The following B3GALT1 variants were observed in gnomAD, a reference collection of about 807,000 sequenced individuals.
B3GALT1 encodes the protein beta-1,3-galactosyltransferase 1.
Under a neutral mutation model 23.2 loss-of-function variants are expected in B3GALT1, and 10 were observed. The ratio of observed to expected loss-of-function variants is 0.43; its 90% CI spans 0.27 to 0.73. The LOEUF is 0.73. Ranked by LOEUF, B3GALT1 falls within the 30% of genes least tolerant of loss-of-function variation. The pLI is 0.21. For synonymous variants in B3GALT1, 156 were observed against 141.5 expected (o/e 1.10, Z -0.73); for missense variants, 299 against 405.4 (o/e 0.74, Z 2.25).
At chr2:167,583,427 T>C (rs1362761339) in intron 2 of B3GALT1, among the ~76,000 whole-genome samples, 3 of 152,322 alleles carry the variant, frequency 2.0e-5, no homozygotes, top group African/African-American at 4.8e-5. Flanking sequence ...TCTCCCTCTC[T>C]CCCTTTTTTT....
intron 1 of B3GALT1, among the ~76,000 whole-genome samples, chr2:167,447,217 C>G (rs1392189861): frequency 1.3e-5 from 2 of 152,190 alleles, no homozygotes; most frequent in Admixed American, 1.3e-4. Flanking sequence ...GATCGTTCCT[C>G]TGGAAGCTTC....
intron 4 of B3GALT1, among the ~76,000 whole-genome samples, chr2:167,825,288 AAAAAAAAAAAACAG>A (rs1238598165): frequency 6.7e-6 from 1 of 149,614 alleles, no homozygotes; most frequent in Non-Finnish European, 1.5e-5. Context: ...CGTCTCAAAA[AAAAAAAAAAAACAG>A]AAAAAAGAAA....
At chr2:167,798,077 G>T (rs1482944699) in intron 3 of B3GALT1, among the ~76,000 whole-genome samples, 1 of 152,152 alleles carries the variant, frequency 6.6e-6, no homozygotes, top group Non-Finnish European at 1.5e-5. Flanking sequence ...TTTGTTGGTT[G>T]CATGAATGTC....
intron 2 of B3GALT1, among the ~76,000 whole-genome samples, chr2:167,564,646 T>G (rs7562513): frequency 6.6e-6 from 1 of 152,008 alleles, no homozygotes; most frequent in African/African-American, 2.4e-5. Context: ...GGATCACTCG[T>G]GGCTAGGAGC....
At chr2:167,571,447 TTGAGTATTCTG>T (rs1310109858) in intron 2 of B3GALT1, among the ~76,000 whole-genome samples, 1 of 151,842 alleles carries the variant, frequency 6.6e-6, no homozygotes, top group Non-Finnish European at 1.5e-5. Context: ...ATTATACTCC[TTGAGTATTCTG>T]TGTTTCTAAT....
At chr2:167,318,574 A>G (rs911595070) in intron 1 of B3GALT1, among the ~76,000 whole-genome samples, 1 of 152,236 alleles carries the variant, frequency 6.6e-6, no homozygotes, top group Middle Eastern at 3.4e-3. Flanking sequence ...TATTTTCTAT[A>G]TAAGGTTATA....
At position 167,512,536 on chromosome 2, in the gene B3GALT1, A is replaced by G. The variant is rs990976029; in HGVS notation, c.-410+22259A>G. Among the ~76,000 whole-genome samples the G allele has an allele frequency of 1.4e-3, 141 of 98,590 alleles. 3 individuals carry two copies. Among genetic ancestry groups the G allele is most frequent in the Non-Finnish European group, 1.9e-3 (105 of 54,574 alleles). 64.7% of individuals were successfully genotyped at this position (98,590 alleles called of 152,430 possible). On this transcript the variant is annotated intron_variant, in intron 2 of 4. Coordinates refer to ENST00000392690, the MANE Select transcript of B3GALT1 (RefSeq NM_020981.4). The stretch of plus-strand genomic sequence containing the variant: ...TATATACATATATATGTGTGTGTGT[A>G]TATATATATGTATATATATGTATAT...
intron 3 of B3GALT1, among the ~76,000 whole-genome samples, chr2:167,807,794 G>C (rs1688787202): frequency 6.6e-6 from 1 of 152,230 alleles, no homozygotes; most frequent in Non-Finnish European, 1.5e-5. Context: ...ATATTCTGTT[G>C]ATTTGGGGTA....
rs913707532 is a variant in B3GALT1 at position 167,714,874 on chromosome 2, G to A, written c.-352+67908G>A. 10 of 1,609,700 alleles carry A rather than the reference G, an allele frequency of 6.2e-6. No homozygotes were observed. The African/African-American group carries it at 6.7e-5, about 11-fold the overall frequency. ...AATTTTCTTCTATTGTCAATTTCCT[G>A]TGGAGTGTCATTTCATTTTCTTGAT... On this transcript the variant is annotated intron_variant, in intron 3 of 4. Transcript: ENST00000392690.
At chr2:167,455,386 T>A (rs1032582415) in intron 1 of B3GALT1, among the ~76,000 whole-genome samples, 1 of 152,210 alleles carries the variant, frequency 6.6e-6, no homozygotes. Flanking sequence ...TCATTAAATA[T>A]ATATATTTAG....
At chr2:167,639,159 C>T (rs528046928) in intron 2 of B3GALT1, among the ~76,000 whole-genome samples, 9 of 152,084 alleles carry the variant, frequency 5.9e-5, no homozygotes, top group South Asian at 2.1e-4. Context: ...CATACATTGT[C>T]TCCGGAAGAA....
intron 3 of B3GALT1, among the ~76,000 whole-genome samples, chr2:167,785,297 A>G (rs1688321806): frequency 1.3e-5 from 2 of 152,170 alleles, no homozygotes; most frequent in Non-Finnish European, 2.9e-5. Context: ...AGAGGTACAG[A>G]TCAGGGAGGG....
At chr2:167,451,376 C>T (rs1024902307) in intron 1 of B3GALT1, among the ~76,000 whole-genome samples, 5 of 152,030 alleles carry the variant, frequency 3.3e-5, no homozygotes, top group African/African-American at 7.2e-5. Flanking sequence ...TTTTTTTGTC[C>T]CATGGAGTAT....
At chr2:167,560,631 A>G (rs1467154158) in intron 2 of B3GALT1, among the ~76,000 whole-genome samples, 2 of 151,780 alleles carry the variant, frequency 1.3e-5, no homozygotes, top group Non-Finnish European at 2.9e-5. Flanking sequence ...CAAATGGAAA[A>G]CAAAAAAAGG....
At chr2:167,357,039 T>C (rs1697425832) in intron 1 of B3GALT1, among the ~76,000 whole-genome samples, 1 of 151,712 alleles carries the variant, frequency 6.6e-6, no homozygotes, top group Admixed American at 6.6e-5. Context: ...TGTATATATA[T>C]ATATGTATGT....
intron 1 of B3GALT1, among the ~76,000 whole-genome samples, chr2:167,386,708 G>A (rs1327963032): frequency 6.6e-6 from 1 of 152,170 alleles, no homozygotes; most frequent in Non-Finnish European, 1.5e-5. Context: ...TGCAAATTCA[G>A]CTTTCCAGTC....
intron 4 of B3GALT1, among the ~76,000 whole-genome samples, chr2:167,866,968 C>T (rs895035171): frequency 1.3e-5 from 2 of 151,950 alleles, no homozygotes; most frequent in African/African-American, 2.4e-5. Flanking sequence ...ACTTTGTCGC[C>T]CAGGCTGGAG....
intron 2 of B3GALT1, among the ~76,000 whole-genome samples, chr2:167,573,566 A>G (rs1197373856): frequency 1.3e-5 from 2 of 151,756 alleles, no homozygotes; most frequent in Non-Finnish European, 3.0e-5. Flanking sequence ...ATACTGAATA[A>G]TAGTTTATGA....
chr2:167,464,339 T>G (rs1699312350), intron 1 of B3GALT1, among the ~76,000 whole-genome samples: 1 of 152,202 alleles, frequency 6.6e-6, no homozygotes, highest in Non-Finnish European at 1.5e-5. Flanking sequence ...ATTCTTCTTT[T>G]CAGAGAAGAA....
Sources: allele counts gnomAD v4.1 joint callset (sites outside exome capture counted in the v4.1 genomes callset), GRCh38; gene constraint gnomAD v4.1.1; transcripts MANE v1.5; gene names NCBI Gene and HGNC (gene_info 2026-07-23, HGNC 2026-07-21).